NIPSNAP2: variants seen among roughly 807,000 people sequenced by gnomAD.
The protein encoded by NIPSNAP2 is protein NipSnap homolog 2.
In NIPSNAP2, 42 loss-of-function variants were observed where a neutral mutation model predicts 48.4. The ratio of observed to expected loss-of-function variants is 0.87; its 90% CI spans 0.68 to 1.12. The LOEUF (loss-of-function observed/expected upper bound fraction) is 1.12. Among genes scored for constraint, NIPSNAP2 ranks in the 50% most tolerant of loss-of-function variants. The probability of loss-of-function intolerance (pLI) is 0.00; values close to 1 mark genes in which losing one functional copy is unlikely to be tolerated. For missense variants in NIPSNAP2, 314 were observed against 347.3 expected, an observed-to-expected ratio of 0.90 and a Z score of 0.76; for synonymous variants, 158 against 126.6, an observed-to-expected ratio of 1.25 and a Z score of -1.67.
At chr7:55,992,995 A>G (rs1270278086) in intron 7 of NIPSNAP2, among the ~76,000 whole-genome samples, 1 of 152,142 alleles carries the variant, frequency 6.6e-6, no homozygotes, top group East Asian at 1.9e-4. Flanking sequence ...AAGTGGTGCA[A>G]GTATGAAAGG....
intron 7 of NIPSNAP2, among the ~76,000 whole-genome samples, chr7:55,990,115 GATAGTTTCCTAAA>G (rs1787412795): frequency 1.3e-5 from 2 of 152,014 alleles, no homozygotes; most frequent in South Asian, 4.2e-4. Flanking sequence ...GAAACATTGG[GATAGTTTCCTAAA>G]ATAATCTGAA....
chr7:55,988,402 A>G (rs1787374340), intron 7 of NIPSNAP2, among the ~76,000 whole-genome samples: 1 of 152,186 alleles, frequency 6.6e-6, no homozygotes, highest in East Asian at 1.9e-4. Flanking sequence ...ATGCAAAGTG[A>G]AACTATAATG....
chr7:55,981,772 A>G (rs1787220755), intron 4 of NIPSNAP2: 1 of 504,320 alleles, frequency 2.0e-6, no homozygotes, highest in Non-Finnish European at 3.5e-6. Context: ...TTGAACCATT[A>G]TGATGTAACT....
At chr7:55,983,659 CAATGTTACTGA>C in intron 5 of NIPSNAP2, 58 bp from the exon 6 acceptor site, 1 of 1,511,448 alleles carries the variant, frequency 6.6e-7, no homozygotes, top group Middle Eastern at 1.8e-4. Flanking sequence ...GTAGGAACAT[CAATGTTACTGA>C]AATGGGCTTA....
At chr7:55,977,257 GGT>G (rs1787124027) in intron 1 of NIPSNAP2, among the ~76,000 whole-genome samples, 1 of 152,022 alleles carries the variant, frequency 6.6e-6, no homozygotes, top group African/African-American at 2.4e-5. Flanking sequence ...TGGGTGTGGT[GGT>G]GTGTGTCTGT....
At position 55,999,010 on chromosome 7, in the gene NIPSNAP2, C is replaced by G; in HGVS notation, c.799C>G (p.Pro267Ala). The G allele has an allele frequency of 1.2e-6, 2 of 1,613,578 alleles. No homozygotes were observed. The highest frequency in any genetic ancestry group is 1.7e-6 in the Non-Finnish European group (2 of 1,179,602). The change falls in exon 10 of 10, where the codon CCA becomes GCA. Residue 267 changes from proline (P) to alanine (A), a missense_variant and splice_region_variant. Transcript: ENST00000322090. ...GWEELVYYTV[P>A]LIQEMESRIM... is the part of the protein sequence containing the mutation. ...AGTAACCCTGATCTTGTTTTCAGTTCCACTTATTCAGGAAATGGAATCCAG... is the reference window on the plus strand; with the variant it reads ...AGTAACCCTGATCTTGTTTTCAGTTGCACTTATTCAGGAAATGGAATCCAG...
chr7:55,998,993 T>C lies in NIPSNAP2; in HGVS notation c.797-15T>C, dbSNP rs768151730. ...TAGAAAGTAACAAGTGCAGTAACCC[T>C]GATCTTGTTTTCAGTTCCACTTATT... On this transcript the variant is annotated splice_polypyrimidine_tract_variant and intron_variant, in intron 9 of 9. Transcript: ENST00000322090. The C allele has an allele frequency of 6.8e-6, 11 of 1,611,680 alleles. No individual in the cohort carries two copies. The East Asian group carries it at 2.2e-4, about 33-fold the overall frequency.
chr7:55,976,849 C>T (rs983686434), intron 1 of NIPSNAP2, among the ~76,000 whole-genome samples: 6 of 152,056 alleles, frequency 3.9e-5, no homozygotes, highest in Non-Finnish European at 4.4e-5. Flanking sequence ...AGTGAGCTAT[C>T]GCACCACCAC....
chr7:55,965,739 C>T (rs900781485), intron 1 of NIPSNAP2, among the ~76,000 whole-genome samples: 1 of 152,090 alleles, frequency 6.6e-6, no homozygotes, highest in East Asian at 1.9e-4. Flanking sequence ...CACCACCACA[C>T]CCGGCTAATT....
intron 8 of NIPSNAP2, among the ~76,000 whole-genome samples, chr7:55,996,285 CAAA>C (rs11464121): frequency 5.5e-5 from 6 of 109,668 alleles, no homozygotes; most frequent in East Asian, 2.7e-4. Flanking sequence ...GACTCCGTCT[CAAA>C]AAAAAAAAAA....
intron 1 of NIPSNAP2, among the ~76,000 whole-genome samples, chr7:55,971,015 G>A (rs547283828): frequency 1.3e-5 from 2 of 152,126 alleles, no homozygotes; most frequent in Non-Finnish European, 2.9e-5. Context: ...GTTTATCTTT[G>A]TATCCATAGA....
At chr7:55,981,661 A>G in intron 4 of NIPSNAP2, 94 bp downstream of exon 4, 1 of 729,124 alleles carries the variant, frequency 1.4e-6, no homozygotes, top group Non-Finnish European at 2.3e-6. Context: ...CTTATCATCA[A>G]AGCTTTCCAA....
chr7:55,970,361 A>T (rs1182647409), intron 1 of NIPSNAP2, among the ~76,000 whole-genome samples: 4 of 144,258 alleles, frequency 2.8e-5, no homozygotes, highest in African/African-American at 1.0e-4. Context: ...CAGGCTGGAG[A>T]GCAGTGGCGT....
At chr7:55,981,911 A>AT (rs1258796444) in intron 4 of NIPSNAP2, 1 of 322,598 alleles carries the variant, frequency 3.1e-6, no homozygotes, top group Non-Finnish European at 5.8e-6. Flanking sequence ...GGTTTAAGCG[A>AT]TTCTTCTGCT....
rs142357398 is a variant in NIPSNAP2, at chr7:55,966,654, C to T, written c.92+1953C>T. On this transcript the variant is annotated intron_variant, in intron 1 of 9. Transcript: ENST00000322090. The stretch of plus-strand genomic sequence containing the variant: ...AAAATTAGCCCGGCATGGTGGCACA[C>T]GCCTGTAGTCCCAGCTACTTGGTAG... 9.7e-4 allele frequency among the ~76,000 whole-genome samples: 148 copies of T among 152,108 alleles called. 1 individual carries two copies. In the Middle Eastern group the frequency reaches 0.01, roughly 10 times the overall value.
At chr7:55,995,127 G>A in intron 8 of NIPSNAP2, 139 bp downstream of exon 8, 2 of 702,494 alleles carry the variant, frequency 2.8e-6, no homozygotes, top group Non-Finnish European at 5.0e-6. Flanking sequence ...TCTGTACGGG[G>A]CTGTCTGGAA....
intron 1 of NIPSNAP2, among the ~76,000 whole-genome samples, chr7:55,969,982 CAAAA>C (rs759505196): frequency 3.6e-5 from 2 of 56,136 alleles, no homozygotes; most frequent in Non-Finnish European, 3.9e-5. Context: ...GACTCTGTCT[CAAAA>C]AAAAAAAAAA....
chr7:55,982,939 A>T (rs1198087623), intron 5 of NIPSNAP2, among the ~76,000 whole-genome samples: 3 of 151,918 alleles, frequency 2.0e-5, no homozygotes, highest in Non-Finnish European at 4.4e-5. Flanking sequence ...CGTGGCCAAC[A>T]TGGCAAAACC....
At chr7:55,977,568 CATT>C (rs764356999) in intron 1 of NIPSNAP2, among the ~76,000 whole-genome samples, 9 of 152,110 alleles carry the variant, frequency 5.9e-5, no homozygotes, top group Admixed American at 1.3e-4. Flanking sequence ...CTTATATTCA[CATT>C]GTTGTACAAT....
Sources: gnomAD v4.1 joint callset for allele counts (sites outside exome capture counted in the v4.1 genomes callset) on GRCh38, gnomAD v4.1.1 for gene constraint, MANE v1.5 for transcripts, NCBI Gene and HGNC (gene_info 2026-07-23, HGNC 2026-07-21) for gene names.